HS3ST5: variants seen among roughly 807,000 people sequenced by gnomAD.
The protein encoded by HS3ST5 is heparan sulfate-glucosamine 3-sulfotransferase 5, also known as heparan sulfate glucosamine 3-O-sulfotransferase 5.
In HS3ST5, 10 loss-of-function variants were observed where a neutral mutation model predicts 25.4. The observed-to-expected ratio is 0.39, with a 90% CI of 0.24 to 0.67. The LOEUF is 0.67. Ranked by LOEUF, HS3ST5 falls within the 30% of genes least tolerant of loss-of-function variation. HS3ST5 has a pLI of 0.44. For missense variants in HS3ST5, 324 were observed against 420.7 expected, an observed-to-expected ratio of 0.77 and a Z score of 2.01; for synonymous variants, 170 against 162.4, an observed-to-expected ratio of 1.05 and a Z score of -0.36.
intron 3 of HS3ST5, among the ~76,000 whole-genome samples, chr6:114,121,411 T>G (rs997223112): frequency 6.6e-6 from 1 of 152,170 alleles, no homozygotes; most frequent in Non-Finnish European, 1.5e-5. Flanking sequence ...AAGGACAAAT[T>G]TACTGCCTGT....
chr6:114,240,009 T>TACACAAACACACACACACACACAC (rs1772034155), intron 1 of HS3ST5, among the ~76,000 whole-genome samples: 1 of 148,882 alleles, frequency 6.7e-6, no homozygotes, highest in East Asian at 2.0e-4. Flanking sequence ...AGCACACACA[T>TACACAAACACACACACACACACAC]ACACACACAC....
At position 114,165,883 on chromosome 6, in the gene HS3ST5, G is replaced by T. The variant is rs556413234; in HGVS notation, c.-33+2468C>A. Among the ~76,000 whole-genome samples, 4 of 152,052 alleles carry T rather than the reference G, an allele frequency of 2.6e-5. No homozygotes were observed. In the East Asian group the frequency reaches 7.7e-4, roughly 29 times the overall value. On this transcript the variant is annotated intron_variant, in intron 3 of 4. Transcript: ENST00000312719. ...TTGAGGATTACATGAAATGATGTATGTAAAGTTAAAAACCTAAGCCAGGCA... is the reference window on the plus strand; with the variant it reads ...TTGAGGATTACATGAAATGATGTATTTAAAGTTAAAAACCTAAGCCAGGCA...
At chr6:114,064,534 G>C (rs1773334918) in intron 3 of HS3ST5, among the ~76,000 whole-genome samples, 1 of 152,152 alleles carries the variant, frequency 6.6e-6, no homozygotes, top group Non-Finnish European at 1.5e-5. Flanking sequence ...ACGGTAGGAG[G>C]GCATCCTAAG....
chr6:114,138,309 G>T (rs1222799559), intron 3 of HS3ST5, among the ~76,000 whole-genome samples: 1 of 152,088 alleles, frequency 6.6e-6, no homozygotes, highest in Non-Finnish European at 1.5e-5. Context: ...TCACAAAACG[G>T]CTTTTGGATT....
intron 3 of HS3ST5, among the ~76,000 whole-genome samples, chr6:114,078,338 C>T (rs968121847): frequency 3.3e-5 from 5 of 152,056 alleles, no homozygotes; most frequent in African/African-American, 4.8e-5. Flanking sequence ...TCATGAGTAG[C>T]TGGAACTACA....
At chr6:114,337,150 T>G (rs1361721413) in intron 1 of HS3ST5, among the ~76,000 whole-genome samples, 1 of 152,220 alleles carries the variant, frequency 6.6e-6, no homozygotes, top group Non-Finnish European at 1.5e-5. Flanking sequence ...GTTTCATAGA[T>G]AGTAATGTCC....
At chr6:114,272,955 G>C (rs1029130294) in intron 1 of HS3ST5, among the ~76,000 whole-genome samples, 1 of 152,182 alleles carries the variant, frequency 6.6e-6, no homozygotes, top group Non-Finnish European at 1.5e-5. Context: ...AATGACAGCA[G>C]CCTTGCAAGT....
At chr6:114,085,618 A>C (rs1344331103) in intron 3 of HS3ST5, among the ~76,000 whole-genome samples, 10 of 152,204 alleles carry the variant, frequency 6.6e-5, no homozygotes. Context: ...CAAAACCATC[A>C]GAATGGAAGC....
chr6:114,243,268 T>A, intron 1 of HS3ST5, among the ~76,000 whole-genome samples: 1 of 152,330 alleles, frequency 6.6e-6, no homozygotes, highest in African/African-American at 2.4e-5. Context: ...GTGTTTATTA[T>A]CCTGGCTTTA....
At chr6:114,069,516 A>ATTT (rs373504728) in intron 3 of HS3ST5, among the ~76,000 whole-genome samples, 56 of 130,672 alleles carry the variant, frequency 4.3e-4, no homozygotes, top group Non-Finnish European at 7.0e-4. Flanking sequence ...ACATGGGAGA[A>ATTT]TTTTTTTTTT....
chr6:114,084,472 C>G, intron 3 of HS3ST5: 1 of 757,306 alleles, frequency 1.3e-6, no homozygotes, highest in Non-Finnish European at 2.4e-6. Flanking sequence ...CATGACCTCC[C>G]GCGGGTATTC....
chr6:114,091,979 G>A (rs1441746545), intron 3 of HS3ST5, among the ~76,000 whole-genome samples: 1 of 152,194 alleles, frequency 6.6e-6, no homozygotes, highest in Non-Finnish European at 1.5e-5. Flanking sequence ...TGACATGGCA[G>A]AAGGCAAAAC....
rs148925177 is a variant in HS3ST5 at position 114,211,928 on chromosome 6, C to A, written c.-145+16657G>T. On this transcript the variant is annotated intron_variant, in intron 2 of 4. Transcript: ENST00000312719. Reference sequence around the variant, plus strand: ...ACATAACATGTGCACATGTTATGTGCCCCACATTGTTCTGCAACAGCGTGG... The same window carrying A: ...ACATAACATGTGCACATGTTATGTGACCCACATTGTTCTGCAACAGCGTGG... Among the ~76,000 whole-genome samples, 74 of 152,292 alleles carry A rather than the reference C, an allele frequency of 4.9e-4. 1 individual carries two copies. In the East Asian group the frequency reaches 0.014, roughly 29 times the overall value.
chr6:114,269,999 C>G (rs932217707), intron 1 of HS3ST5, among the ~76,000 whole-genome samples: 1 of 152,036 alleles, frequency 6.6e-6, no homozygotes, highest in Admixed American at 6.6e-5. Context: ...TCAAATTGAC[C>G]CTTCCAGTGC....
chr6:114,182,082 G>A (rs191066591), intron 2 of HS3ST5, among the ~76,000 whole-genome samples: 1 of 152,186 alleles, frequency 6.6e-6, no homozygotes, highest in African/African-American at 2.4e-5. Context: ...ATTTAAAACA[G>A]ATTGAGAATG....
chr6:114,123,245 G>A (rs1288828204), intron 3 of HS3ST5, among the ~76,000 whole-genome samples: 3 of 152,052 alleles, frequency 2.0e-5, no homozygotes, highest in South Asian at 4.2e-4. Flanking sequence ...GAGCCATCGC[G>A]CCCAGCCATA....
At chr6:114,134,473 G>C (rs548071529) in intron 3 of HS3ST5, among the ~76,000 whole-genome samples, 10 of 152,160 alleles carry the variant, frequency 6.6e-5, no homozygotes, top group Non-Finnish European at 1.5e-4. Context: ...TAAAGGGGGA[G>C]TCCTTCCCAG....
chr6:114,145,840 T>C (rs1300579676), intron 3 of HS3ST5, among the ~76,000 whole-genome samples: 3 of 152,222 alleles, frequency 2.0e-5, no homozygotes, highest in African/African-American at 7.2e-5. Context: ...GGATAATTTC[T>C]CACAGCAGTG....
At chr6:114,258,622 G>A (rs1773035420) in intron 1 of HS3ST5, among the ~76,000 whole-genome samples, 1 of 152,140 alleles carries the variant, frequency 6.6e-6, no homozygotes, top group Non-Finnish European at 1.5e-5. Flanking sequence ...TCTTAGGAAT[G>A]TGTCCCTCTC....
Sources: gnomAD v4.1 joint callset for allele counts (sites outside exome capture counted in the v4.1 genomes callset) on GRCh38, gnomAD v4.1.1 for gene constraint, MANE v1.5 for transcripts, NCBI Gene and HGNC (gene_info 2026-07-23, HGNC 2026-07-21) for gene names.